Variants in COL8A2 observed in about 807,000 individuals in gnomAD.
The protein encoded by COL8A2 is collagen alpha-2(VIII) chain.
In COL8A2, 16 loss-of-function variants were observed where a neutral mutation model predicts 24.0. That is an observed-to-expected ratio of 0.67 (90% CI 0.45 to 1.01). The LOEUF is 1.01. Among genes scored for constraint, COL8A2 ranks in the 50% least tolerant of loss-of-function variants. The pLI is 0.00. For missense variants in COL8A2, 818 were observed against 942.4 expected (o/e 0.87, Z 1.73); for synonymous variants, 466 against 424.5 (o/e 1.10, Z -1.20).
chr1:36,113,882 G>A (rs1208697640), intron 2 of COL8A2, among the ~76,000 whole-genome samples: 2 of 152,182 alleles, frequency 1.3e-5, no homozygotes, highest in African/African-American at 4.8e-5. Flanking sequence ...ACAGGCCCAC[G>A]GGGGCAGGTG....
Position 36,098,006 on chromosome 1 carries a change from C to T in COL8A2, c.1675G>A (p.Gly559Arg), listed in dbSNP as rs1355298814. Residue 559 changes from glycine (G) to arginine (R), a missense_variant, in exon 4 of 4, where the codon GGG (glycine) becomes AGG (arginine). Coordinates refer to ENST00000397799, the MANE Select transcript of COL8A2 (RefSeq NM_005202.4). ...GGVEGAVLGKGGKPQFGLGEL... is the reference protein window; with the variant it reads ...GGVEGAVLGKRGKPQFGLGEL... ...CCCAGCCCAAACTGTGGCTTGCCCC[C>T]CTTGCCCAGCACGGCACCCTCCACA... The T allele has an allele frequency of 1.9e-6, 3 of 1,599,244 alleles. No homozygotes were observed. The highest frequency in any genetic ancestry group is 2.5e-6 in the Non-Finnish European group (3 of 1,177,002).
intron 1 of COL8A2, among the ~76,000 whole-genome samples, chr1:36,116,249 T>TACTCCACA (rs1483850066): frequency 6.6e-6 from 1 of 152,126 alleles, no homozygotes; most frequent in African/African-American, 2.4e-5. Flanking sequence ...ATGTGCCCCA[T>TACTCCACA]ACTCCACAAC....
intron 2 of COL8A2, among the ~76,000 whole-genome samples, chr1:36,104,703 G>C (rs1643730525): frequency 6.6e-6 from 1 of 152,034 alleles, no homozygotes; most frequent in African/African-American, 2.4e-5. Flanking sequence ...GCTGAGGCAG[G>C]AGAATGGCAT....
intron 2 of COL8A2, among the ~76,000 whole-genome samples, chr1:36,113,049 G>A (rs1267849376): frequency 6.6e-6 from 1 of 152,210 alleles, no homozygotes; most frequent in Non-Finnish European, 1.5e-5. Context: ...AGTTAGGAAG[G>A]AGGGGGTAGA....
chr1:36,121,337 C>T (rs1229938885), intron 1 of COL8A2, among the ~76,000 whole-genome samples: 4 of 131,152 alleles, frequency 3.0e-5, no homozygotes, highest in East Asian at 2.2e-4. Context: ...TGCAGTGAGC[C>T]GAGACCATGC....
chr1:36,102,051 G>C (rs181510797), intron 2 of COL8A2, among the ~76,000 whole-genome samples: 1 of 150,486 alleles, frequency 6.6e-6, no homozygotes, highest in South Asian at 2.1e-4. Context: ...GGGTGTGGGC[G>C]TGCTGTGGTC....
intron 2 of COL8A2, among the ~76,000 whole-genome samples, chr1:36,102,727 A>G (rs1001145693): frequency 4.2e-5 from 5 of 120,270 alleles, no homozygotes; most frequent in Non-Finnish European, 8.0e-5. Flanking sequence ...GCTGGAGTGC[A>G]GTGGTGCCAT....
At chr1:36,107,588 C>T (rs528419927) in intron 2 of COL8A2, among the ~76,000 whole-genome samples, 26 of 152,298 alleles carry the variant, frequency 1.7e-4, no homozygotes, top group African/African-American at 6.3e-4. Context: ...ATGCGCCCAT[C>T]TGGGTGGAGC....
At chr1:36,101,804 G>T (rs1643682282) in intron 2 of COL8A2, among the ~76,000 whole-genome samples, 1 of 152,194 alleles carries the variant, frequency 6.6e-6, no homozygotes, top group Admixed American at 6.6e-5. Context: ...AGCTACTCAG[G>T]AGGCTGAGGT....
At chr1:36,106,784 T>C (rs1207596005) in intron 2 of COL8A2, among the ~76,000 whole-genome samples, 3 of 152,176 alleles carry the variant, frequency 2.0e-5, no homozygotes, top group Non-Finnish European at 4.4e-5. Flanking sequence ...CTTTCCTTCC[T>C]CCTTGGTAAT....
chr1:36,116,615 A>G (rs1280377301), intron 1 of COL8A2, among the ~76,000 whole-genome samples: 1 of 152,248 alleles, frequency 6.6e-6, no homozygotes, highest in African/African-American at 2.4e-5. Flanking sequence ...AGCAGGGAAT[A>G]CTGCCGACTT....
At chr1:36,112,066 C>T (rs527324670) in intron 2 of COL8A2, among the ~76,000 whole-genome samples, 1 of 152,098 alleles carries the variant, frequency 6.6e-6, no homozygotes, top group Non-Finnish European at 1.5e-5. Context: ...TGCAGTGACG[C>T]GATCTTGGCT....
chr1:36,120,777 G>A (rs1327042540), intron 1 of COL8A2, among the ~76,000 whole-genome samples: 20 of 144,852 alleles, frequency 1.4e-4, no homozygotes, highest in African/African-American at 4.6e-4. Context: ...GAGAGAGAGA[G>A]AGGAAGGAAG....
At chr1:36,107,941 C>A (rs1643783469) in intron 2 of COL8A2, among the ~76,000 whole-genome samples, 1 of 152,184 alleles carries the variant, frequency 6.6e-6, no homozygotes, top group Non-Finnish European at 1.5e-5. Flanking sequence ...GGGTCCCCGT[C>A]ATCGCTCTTG....
chr1:36,101,928 C>G (rs1643683837), intron 2 of COL8A2, among the ~76,000 whole-genome samples: 1 of 152,040 alleles, frequency 6.6e-6, no homozygotes, highest in Admixed American at 6.6e-5. Flanking sequence ...CCTGTAATCT[C>G]AGTACTTTGG....
chr1:36,107,288 C>T (rs1291041242), intron 2 of COL8A2, among the ~76,000 whole-genome samples: 1 of 152,070 alleles, frequency 6.6e-6, no homozygotes, highest in Non-Finnish European at 1.5e-5. Context: ...CCTGTAGTCC[C>T]AGCTACTTGG....
chr1:36,100,031 G>A lies in COL8A2; in HGVS notation c.193+19C>T, dbSNP rs1381787939. ...GGCTGGGAGCGATTTGAGGCACTGT[G>A]GGGTGAGGAGGCTCTCACCCAGGTA... On this transcript the variant is annotated intron_variant, in intron 3 of 3. Coordinates refer to ENST00000397799, the MANE Select transcript of COL8A2 (RefSeq NM_005202.4). 6 of 1,602,166 alleles carry A rather than the reference G, an allele frequency of 3.7e-6. No individual in the cohort carries two copies. The African/African-American group carries it at 8.0e-5, about 21-fold the overall frequency.
At chr1:36,102,677 T>TTG (rs1557740987) in intron 2 of COL8A2, among the ~76,000 whole-genome samples, 1 of 136,692 alleles carries the variant, frequency 7.3e-6, no homozygotes, top group African/African-American at 2.7e-5. Flanking sequence ...TTTTGTTTTT[T>TTG]TTTTTTTTTT....
intron 2 of COL8A2, among the ~76,000 whole-genome samples, chr1:36,103,831 G>A (rs1401640243): frequency 6.6e-6 from 1 of 151,252 alleles, no homozygotes; most frequent in Non-Finnish European, 1.5e-5. Flanking sequence ...TGATCCACCC[G>A]TCTCAGCCTC....
Sources: gnomAD v4.1 joint callset for allele counts (sites outside exome capture counted in the v4.1 genomes callset) on GRCh38, gnomAD v4.1.1 for gene constraint, MANE v1.5 for transcripts, NCBI Gene and HGNC (gene_info 2026-07-23, HGNC 2026-07-21) for gene names.